GRID1: variants seen among roughly 807,000 people sequenced by gnomAD.
The protein encoded by GRID1 is glutamate receptor ionotropic, delta-1.
In GRID1, 28 loss-of-function variants were observed where a neutral mutation model predicts 98.0. That is an observed-to-expected ratio of 0.29 (90% CI 0.21 to 0.39). The LOEUF (loss-of-function observed/expected upper bound fraction) is 0.39. Ranked by LOEUF, GRID1 falls within the 10% of genes least tolerant of loss-of-function variation. GRID1 has a pLI of 1.00. For missense variants in GRID1, 1,111 were observed against 1,340.5 expected, an observed-to-expected ratio of 0.83 and a Z score of 2.67; for synonymous variants, 553 against 538.5, an observed-to-expected ratio of 1.03 and a Z score of -0.37.
chr10:86,290,086 A>G (rs918180372), intron 2 of GRID1, among the ~76,000 whole-genome samples: 21 of 152,240 alleles, frequency 1.4e-4, no homozygotes, highest in Admixed American at 1.4e-3. Flanking sequence ...TTGTCATATA[A>G]GCTAAAACGA....
intron 4 of GRID1, among the ~76,000 whole-genome samples, chr10:86,009,307 T>G (rs997419851): frequency 6.6e-6 from 1 of 152,040 alleles, no homozygotes; most frequent in African/African-American, 2.4e-5. Context: ...ACGAAATTTC[T>G]ACCCAAGCAA....
intron 8 of GRID1, among the ~76,000 whole-genome samples, chr10:85,831,713 C>T (rs764511018): frequency 6.6e-6 from 1 of 151,880 alleles, no homozygotes; most frequent in Admixed American, 6.6e-5. Flanking sequence ...CTCTAATAAA[C>T]CCTGGGTCAA....
At chr10:85,682,243 A>G (rs1263272307) in intron 12 of GRID1, among the ~76,000 whole-genome samples, 1 of 152,136 alleles carries the variant, frequency 6.6e-6, no homozygotes, top group Middle Eastern at 3.2e-3. Flanking sequence ...CATTTCCTAG[A>G]TCCTCTGTTT....
intron 4 of GRID1, among the ~76,000 whole-genome samples, chr10:85,957,013 T>C (rs1480913872): frequency 6.6e-6 from 1 of 152,182 alleles, no homozygotes. Context: ...CTTCTTCACA[T>C]GGTGGCAGGA....
At chr10:85,679,981 G>T (rs370203384) in intron 12 of GRID1, among the ~76,000 whole-genome samples, 2 of 152,138 alleles carry the variant, frequency 1.3e-5, no homozygotes. Context: ...TCCTGAGGCC[G>T]TGGGCAGGGC....
At chr10:86,178,691 G>C (rs1443130608) in intron 3 of GRID1, among the ~76,000 whole-genome samples, 3 of 152,138 alleles carry the variant, frequency 2.0e-5, no homozygotes, top group Admixed American at 2.0e-4. Flanking sequence ...ATCAGACCCT[G>C]GGAGCCACCT....
At chr10:85,778,111 A>G (rs562089250) in intron 8 of GRID1, among the ~76,000 whole-genome samples, 1 of 152,212 alleles carries the variant, frequency 6.6e-6, no homozygotes, top group Non-Finnish European at 1.5e-5. Flanking sequence ...CAATGGGACT[A>G]GAACTACATG....
intron 4 of GRID1, among the ~76,000 whole-genome samples, chr10:85,982,915 A>G (rs1418267739): frequency 6.6e-6 from 1 of 152,326 alleles, no homozygotes; most frequent in East Asian, 1.9e-4. Context: ...TCTTAAATCA[A>G]GACTGTAAAA....
chr10:86,043,882 T>C (rs1023229060), intron 4 of GRID1, among the ~76,000 whole-genome samples: 2 of 152,184 alleles, frequency 1.3e-5, no homozygotes, highest in East Asian at 1.9e-4. Flanking sequence ...GATATGAGCA[T>C]GTGAGATTTC....
chr10:85,700,433 C>T (rs1382148148), intron 12 of GRID1, among the ~76,000 whole-genome samples: 1 of 152,152 alleles, frequency 6.6e-6, no homozygotes, highest in African/African-American at 2.4e-5. Flanking sequence ...CAACCTGAGC[C>T]TCTGGGCCAA....
chr10:86,235,693 G>A (rs2132038641), intron 2 of GRID1, among the ~76,000 whole-genome samples: 1 of 152,234 alleles, frequency 6.6e-6, no homozygotes, highest in Non-Finnish European at 1.5e-5. Context: ...ATGTTTTGAG[G>A]TTCATCCATG....
intron 2 of GRID1, among the ~76,000 whole-genome samples, chr10:86,291,796 C>T (rs1344284870): frequency 6.6e-6 from 1 of 152,218 alleles, no homozygotes; most frequent in Non-Finnish European, 1.5e-5. Context: ...GCACCATGCC[C>T]TGAGCCCATG....
intron 4 of GRID1, among the ~76,000 whole-genome samples, chr10:86,049,666 C>G (rs149426607): frequency 2.1e-3 from 325 of 152,318 alleles, no homozygotes; most frequent in African/African-American, 7.6e-3. Flanking sequence ...TTCCAGGGCA[C>G]TAGGCCTGTC....
chr10:85,910,403 T>C (rs991557511), intron 5 of GRID1, among the ~76,000 whole-genome samples: 1 of 152,234 alleles, frequency 6.6e-6, no homozygotes, highest in Non-Finnish European at 1.5e-5. Context: ...AATCTTATTT[T>C]CATTTGTTTT....
intron 4 of GRID1, among the ~76,000 whole-genome samples, chr10:86,026,025 C>A (rs1051633372): frequency 1.3e-5 from 2 of 152,248 alleles, no homozygotes; most frequent in African/African-American, 4.8e-5. Context: ...TACAGCAAGA[C>A]CTTCACTGGC....
chr10:85,871,609 G>C (rs986488384), intron 5 of GRID1, among the ~76,000 whole-genome samples: 1 of 152,214 alleles, frequency 6.6e-6, no homozygotes, highest in African/African-American at 2.4e-5. Context: ...CTAGCTTTGA[G>C]ACAATATGAT....
At chr10:86,199,216 T>C (rs934721249) in intron 3 of GRID1, among the ~76,000 whole-genome samples, 1 of 152,118 alleles carries the variant, frequency 6.6e-6, no homozygotes, top group African/African-American at 2.4e-5. Context: ...AGCTCACTTG[T>C]ACACAAAGCA....
intron 3 of GRID1, among the ~76,000 whole-genome samples, chr10:86,179,685 C>T (rs1299439736): frequency 6.6e-6 from 1 of 152,192 alleles, no homozygotes; most frequent in East Asian, 1.9e-4. Flanking sequence ...ACCTCAGGGC[C>T]ACAGCCAATC....
chr10:86,001,598 G>A (rs1842803245), intron 4 of GRID1, among the ~76,000 whole-genome samples: 1 of 152,166 alleles, frequency 6.6e-6, no homozygotes. Flanking sequence ...ATTTGGCCTT[G>A]CAGAGAAAGG....
Sources: allele counts gnomAD v4.1 joint callset (sites outside exome capture counted in the v4.1 genomes callset), GRCh38; gene constraint gnomAD v4.1.1; transcripts MANE v1.5; gene names NCBI Gene and HGNC (gene_info 2026-07-23, HGNC 2026-07-21).